Variants in BNC2 observed in about 807,000 individuals in gnomAD.
BNC2 encodes the protein basonuclin zinc finger protein 2.
In BNC2, 20 loss-of-function variants were observed where a neutral mutation model predicts 76.3. The ratio of observed to expected loss-of-function variants is 0.26; its 90% CI spans 0.18 to 0.38. BNC2 has a LOEUF of 0.38. BNC2 is among the 10% of genes least tolerant of loss of function. The probability of loss-of-function intolerance (pLI) is 1.00; values close to 1 mark genes in which losing one functional copy is unlikely to be tolerated. For missense variants in BNC2, 1,382 were observed against 1,399.8 expected (o/e 0.99, Z 0.20); for synonymous variants, 582 against 514.8 (o/e 1.13, Z -1.77).
intron 5 of BNC2, among the ~76,000 whole-genome samples, chr9:16,478,468 C>G (rs1479506148): frequency 6.6e-6 from 1 of 152,172 alleles, no homozygotes; most frequent in Non-Finnish European, 1.5e-5. Context: ...CTTAAAAAGG[C>G]ATATGACATA....
intron 5 of BNC2, among the ~76,000 whole-genome samples, chr9:16,454,588 G>C (rs1055532607): frequency 6.6e-6 from 1 of 152,134 alleles, no homozygotes. Context: ...ACAGGCGTGA[G>C]CCACACAACA....
At chr9:16,502,420 T>A (rs1450866950) in intron 5 of BNC2, among the ~76,000 whole-genome samples, 1 of 152,152 alleles carries the variant, frequency 6.6e-6, no homozygotes, top group African/African-American at 2.4e-5. Context: ...ACACAGGCTT[T>A]CCCAAACTTA....
intron 1 of BNC2, among the ~76,000 whole-genome samples, chr9:16,869,644 T>A (rs911703541): frequency 6.6e-6 from 1 of 152,134 alleles, no homozygotes; most frequent in Non-Finnish European, 1.5e-5. Flanking sequence ...GGAAGCAAAC[T>A]AAAAAGAAGG....
At position 16,436,606 on chromosome 9, in the gene BNC2, C is replaced by A. The variant is rs770399663; in HGVS notation, c.1588G>T (p.Ala530Ser). 4 of 1,614,008 alleles carry A rather than the reference C, an allele frequency of 2.5e-6. No individual in the cohort carries two copies. The South Asian group carries it at 4.4e-5, about 18-fold the overall frequency. ...GGGGGTCGGCCAGGGCTTGTGAGTG[C>A]CAGATTTGATTTTGTACTTGCTATG... ...PVIASTKSNL[A>S]LTSPGRPPMG... The change falls in exon 6 of 7, where the codon GCA becomes TCA. Residue 530 changes from alanine (A) to serine (S), a missense_variant. Around this residue, in one of 3 missense-constraint regions of BNC2, gnomAD observed 798 missense variants for 775.5 expected, o/e 1.03. Coordinates refer to ENST00000380672, the MANE Select transcript of BNC2 (RefSeq NM_017637.6).
chr9:16,625,653 A>T (rs1266688950), intron 3 of BNC2: 1 of 152,118 alleles, frequency 6.6e-6, no homozygotes, highest in African/African-American at 2.4e-5. Flanking sequence ...AGATAAAGAG[A>T]TTCTGAGGCA....
intron 1 of BNC2, among the ~76,000 whole-genome samples, chr9:16,803,726 T>C (rs187051505): frequency 2.7e-4 from 41 of 152,332 alleles, no homozygotes; most frequent in Admixed American, 2.2e-3. Flanking sequence ...GTAGTGTCAT[T>C]TGCAATATTC....
At chr9:16,430,428 C>A (rs538835418) in intron 6 of BNC2, among the ~76,000 whole-genome samples, 69 of 152,304 alleles carry the variant, frequency 4.5e-4, no homozygotes, top group African/African-American at 1.6e-3. Flanking sequence ...CTAAGTGGCT[C>A]ATTTCTTAGA....
At chr9:16,754,863 C>A (rs1465620182) in intron 1 of BNC2, among the ~76,000 whole-genome samples, 2 of 152,194 alleles carry the variant, frequency 1.3e-5, no homozygotes, top group African/African-American at 4.8e-5. Flanking sequence ...CGGCCCCAGC[C>A]ATCTTGTTTT....
intron 1 of BNC2, among the ~76,000 whole-genome samples, chr9:16,830,163 A>C (rs1409955830): frequency 6.6e-6 from 1 of 152,248 alleles, no homozygotes; most frequent in African/African-American, 2.4e-5. Flanking sequence ...ATTTCAATAA[A>C]ATATCTAACG....
At chr9:16,528,560 A>G (rs1817881479) in intron 5 of BNC2, among the ~76,000 whole-genome samples, 1 of 152,220 alleles carries the variant, frequency 6.6e-6, no homozygotes, top group Non-Finnish European at 1.5e-5. Context: ...TATTCCTATC[A>G]AAGTGGCAGA....
intron 5 of BNC2, among the ~76,000 whole-genome samples, chr9:16,449,093 C>A (rs932266223): frequency 6.6e-6 from 1 of 152,066 alleles, no homozygotes; most frequent in Admixed American, 6.6e-5. Context: ...GTTACTATAA[C>A]AAAACCTCAG....
chr9:16,665,189 T>C, intron 3 of BNC2: 1 of 404,450 alleles, frequency 2.5e-6, no homozygotes, highest in Admixed American at 3.2e-5. Context: ...AAAAACAAGG[T>C]GAAATCCTGT....
chr9:16,728,549 T>A (rs1034947891), intron 2 of BNC2, among the ~76,000 whole-genome samples: 4 of 151,976 alleles, frequency 2.6e-5, no homozygotes, highest in Admixed American at 6.6e-5. Flanking sequence ...AATTTTTTTT[T>A]AATTACACTG....
At chr9:16,627,365 A>G (rs1821027653) in intron 3 of BNC2, among the ~76,000 whole-genome samples, 1 of 152,216 alleles carries the variant, frequency 6.6e-6, no homozygotes. Context: ...GCATATTCCT[A>G]TGTAAGGAGA....
chr9:16,754,887 C>G (rs1177423684), intron 1 of BNC2, among the ~76,000 whole-genome samples: 1 of 152,162 alleles, frequency 6.6e-6, no homozygotes, highest in African/African-American at 2.4e-5. Context: ...TATGCAGCAA[C>G]TGATTCACTA....
intron 1 of BNC2, among the ~76,000 whole-genome samples, chr9:16,860,148 C>A (rs1053873676): frequency 6.6e-6 from 1 of 151,480 alleles, no homozygotes; most frequent in Non-Finnish European, 1.5e-5. Flanking sequence ...TAACAAGATA[C>A]ATTTTACGTT....
intron 3 of BNC2, among the ~76,000 whole-genome samples, chr9:16,684,697 C>T (rs963323641): frequency 6.6e-6 from 1 of 152,080 alleles, no homozygotes; most frequent in African/African-American, 2.4e-5. Flanking sequence ...TTTCCTCATG[C>T]TAGGGAGTGC....
At chr9:16,804,050 C>G (rs1284950813) in intron 1 of BNC2, among the ~76,000 whole-genome samples, 2 of 152,222 alleles carry the variant, frequency 1.3e-5, no homozygotes, top group Admixed American at 1.3e-4. Flanking sequence ...ATACTTTTAA[C>G]TCTTTCAGGC....
intron 5 of BNC2, among the ~76,000 whole-genome samples, chr9:16,457,764 T>C (rs1295668069): frequency 2.6e-5 from 4 of 152,196 alleles, no homozygotes; most frequent in African/African-American, 9.6e-5. Context: ...GAGGAAATGG[T>C]GGGAATACTC....
Sources: allele counts gnomAD v4.1 joint callset (sites outside exome capture counted in the v4.1 genomes callset), GRCh38; gene constraint gnomAD v4.1.1; regional missense constraint gnomAD v4.1.1; transcripts MANE v1.5; gene names NCBI Gene and HGNC (gene_info 2026-07-23, HGNC 2026-07-21).